Variants in EPB41 observed in about 807,000 individuals in gnomAD.
EPB41 encodes the protein erythrocyte membrane protein band 4.1.
EPB41 carries 65 observed loss-of-function variants against 108.0 expected under a neutral mutation model. The observed-to-expected ratio is 0.60, with a 90% CI of 0.49 to 0.74. The LOEUF is 0.74. Ranked by LOEUF, EPB41 falls within the 30% of genes least tolerant of loss-of-function variation. The pLI, the probability that EPB41 is intolerant of heterozygous loss-of-function variation, is 0.00. For missense variants in EPB41, 875 were observed against 1,037.0 expected, an observed-to-expected ratio of 0.84 and a Z score of 2.15; for synonymous variants, 336 against 358.9, an observed-to-expected ratio of 0.94 and a Z score of 0.72.
chr1:28,892,330 G>A (rs111378173), intron 1 of EPB41, among the ~76,000 whole-genome samples: 12 of 152,198 alleles, frequency 7.9e-5, no homozygotes, highest in African/African-American at 2.4e-4. Flanking sequence ...CCTTCCAGAC[G>A]TGTTACATGT....
At chr1:29,036,174 C>T (rs970411947) in intron 10 of EPB41, among the ~76,000 whole-genome samples, 1 of 151,714 alleles carries the variant, frequency 6.6e-6, no homozygotes, top group African/African-American at 2.4e-5. Flanking sequence ...CCTGTATTTA[C>T]CAGGGACTCT....
intron 1 of EPB41, among the ~76,000 whole-genome samples, chr1:28,984,684 G>A (rs533358810): frequency 2.7e-5 from 4 of 149,982 alleles, no homozygotes; most frequent in African/African-American, 9.8e-5. Flanking sequence ...TTGAGACAAG[G>A]TGTTGCTCTG....
At chr1:29,058,687 C>T (rs753340864) in intron 13 of EPB41, 42 bp downstream of exon 13, 3 of 1,597,032 alleles carry the variant, frequency 1.9e-6, no homozygotes, top group African/African-American at 2.7e-5. Flanking sequence ...CCCTCCACCC[C>T]CTCAGTTTTT....
At chr1:28,939,443 T>A (rs1387859730) in intron 1 of EPB41, among the ~76,000 whole-genome samples, 1 of 151,976 alleles carries the variant, frequency 6.6e-6, no homozygotes, top group Non-Finnish European at 1.5e-5. Context: ...ATTTATTTTT[T>A]ATTTTTATTT....
intron 19 of EPB41, among the ~76,000 whole-genome samples, chr1:29,113,168 G>A (rs1268471047): frequency 6.6e-6 from 1 of 152,148 alleles, no homozygotes; most frequent in African/African-American, 2.4e-5. Context: ...TGTGCTGCAA[G>A]CAATTAGCAA....
chr1:28,959,986 CT>C (rs1004334385), intron 1 of EPB41, among the ~76,000 whole-genome samples: 5 of 144,694 alleles, frequency 3.5e-5, no homozygotes, highest in Non-Finnish European at 6.1e-5. Flanking sequence ...GAGGCCCTTT[CT>C]TTTTTTTTCT....
intron 12 of EPB41, among the ~76,000 whole-genome samples, chr1:29,057,373 CAAAA>C (rs72047998): frequency 4.1e-4 from 27 of 65,288 alleles, no homozygotes; most frequent in Middle Eastern, 0.011. Flanking sequence ...GACTCTGTCT[CAAAA>C]AAAAAAAAAA....
intron 14 of EPB41, 54 bp downstream of exon 14, chr1:29,058,906 T>C: frequency 7.2e-7 from 1 of 1,383,862 alleles, no homozygotes; most frequent in Non-Finnish European, 1.0e-6. Context: ...CCATGCTGAC[T>C]TACAGTGCAT....
intron 2 of EPB41, among the ~76,000 whole-genome samples, chr1:28,988,332 T>C (rs1298246420): frequency 1.3e-5 from 2 of 152,194 alleles, no homozygotes; most frequent in Non-Finnish European, 2.9e-5. Flanking sequence ...TTGATAGTGA[T>C]AAGTAGCATC....
At chr1:28,920,003 C>T (rs769892767) in intron 1 of EPB41, among the ~76,000 whole-genome samples, 2 of 152,064 alleles carry the variant, frequency 1.3e-5, no homozygotes, top group Non-Finnish European at 2.9e-5. Context: ...AGGCCCTCAA[C>T]TCTCAGGGTG....
intron 11 of EPB41, among the ~76,000 whole-genome samples, chr1:29,045,200 TATA>T (rs967690040): frequency 5.9e-5 from 9 of 152,294 alleles, no homozygotes; most frequent in East Asian, 3.9e-4. Flanking sequence ...TAATTGGTAT[TATA>T]ATATTGAGTC....
intron 16 of EPB41, chr1:29,069,198 C>T: frequency 8.1e-7 from 1 of 1,231,486 alleles, no homozygotes. Context: ...ATACATATCA[C>T]TTAGGGGTGT....
intron 1 of EPB41, among the ~76,000 whole-genome samples, chr1:28,963,844 C>T (rs967092103): frequency 6.6e-6 from 1 of 152,196 alleles, no homozygotes; most frequent in African/African-American, 2.4e-5. Flanking sequence ...CACATTTAAA[C>T]TATTTTGGAT....
chr1:28,968,418 A>G (rs918883274), intron 1 of EPB41, among the ~76,000 whole-genome samples: 1 of 151,422 alleles, frequency 6.6e-6, no homozygotes, highest in African/African-American at 2.4e-5. Flanking sequence ...TAATATCCCC[A>G]CTCTTCATGA....
chr1:28,993,246 G>T, intron 2 of EPB41, 84 bp from the exon 3 acceptor site: 1 of 1,089,366 alleles, frequency 9.2e-7, no homozygotes, highest in Admixed American at 1.7e-5. Context: ...GCTTTTATTG[G>T]TAAGATTATT....
chr1:29,048,756 C>A lies in EPB41; in HGVS notation c.1637-4348C>A, dbSNP rs574931591. Reference sequence around the variant, plus strand: ...AGAATAAAAGTTAATAGTCAATATTCCTTGAGCACTTAGTATGTTCCAGGC... The same window carrying A: ...AGAATAAAAGTTAATAGTCAATATTACTTGAGCACTTAGTATGTTCCAGGC... On this transcript the variant is annotated intron_variant, in intron 11 of 20. Coordinates refer to ENST00000343067, the MANE Select transcript of EPB41 (RefSeq NM_001376013.1). 5.3e-5 allele frequency among the ~76,000 whole-genome samples: 8 copies of A among 152,214 alleles called. No homozygotes were observed. In the South Asian group the frequency reaches 1.7e-3, roughly 32 times the overall value.
chr1:28,989,426 C>T (rs1275136672), intron 2 of EPB41: 37 of 976,476 alleles, frequency 3.8e-5, no homozygotes, highest in Non-Finnish European at 4.5e-5. Context: ...TTATCTGCAT[C>T]GTTAAAAGTG....
chr1:29,077,759 G>A (rs572786707), intron 16 of EPB41, among the ~76,000 whole-genome samples: 1 of 152,256 alleles, frequency 6.6e-6, no homozygotes, highest in Non-Finnish European at 1.5e-5. Context: ...ATTGTAGAGT[G>A]AAAGTAGTAT....
rs1345643798 is a variant in EPB41 at position 29,118,349 on chromosome 1, C to T, written c.*1537C>T. ...CGAACTCCTGACCTCAGGTGATCCA[C>T]CCACCTTGGCCTCCCAAAGTGCTGG... On this transcript the variant is annotated 3_prime_UTR_variant, in exon 21 of 21. Transcript: ENST00000343067. The T allele has an allele frequency of 2.0e-5, 3 of 152,246 alleles. No homozygotes were observed. The highest frequency in any genetic ancestry group is 6.5e-5 in the Admixed American group (1 of 15,278). The allele number at this position is 152,246 out of a possible 1,614,324, so 9.4% of individuals were successfully genotyped here. A position where few individuals can be genotyped will look rare whatever the true frequency, so the allele number is the denominator to read the frequency against.
Sources: allele counts gnomAD v4.1 joint callset (sites outside exome capture counted in the v4.1 genomes callset), GRCh38; gene constraint gnomAD v4.1.1; transcripts MANE v1.5; gene names NCBI Gene and HGNC (gene_info 2026-07-23, HGNC 2026-07-21).